ANKIB1: variants seen among roughly 807,000 people sequenced by gnomAD.
ANKIB1 encodes ankyrin repeat and IBR domain containing 1, also known as ankyrin repeat and IBR domain-containing protein 1.
In ANKIB1, 43 loss-of-function variants were observed where a neutral mutation model predicts 122.1. The ratio of observed to expected loss-of-function variants is 0.35; its 90% CI spans 0.28 to 0.45. ANKIB1 has a LOEUF of 0.45. Ranked by LOEUF, ANKIB1 falls within the 20% of genes least tolerant of loss-of-function variation. The probability of loss-of-function intolerance (pLI) is 1.00; values close to 1 mark genes in which losing one functional copy is unlikely to be tolerated. For synonymous variants in ANKIB1, 390 were observed against 442.0 expected (o/e 0.88, Z 1.48); for missense variants, 992 against 1,329.5 (o/e 0.75, Z 3.95).
At position 92,397,845 on chromosome 7, in the gene ANKIB1, C is replaced by G; in HGVS notation, c.2518C>G (p.Gln840Glu). ...CACCCCTGCCAGTCGCTCTGAAAAC[C>G]AGGACTCTCTTCAGGTAGCCTTTCT... ...DYTPASRSEN[Q>E]DSLQALSSLD... Residue 840 changes from glutamine to glutamate, a missense_variant, in exon 19 of 20, where the codon CAG becomes GAG. Coordinates refer to ENST00000265742, the MANE Select transcript of ANKIB1 (RefSeq NM_019004.2). 6.2e-7 allele frequency: 1 copy of G among 1,608,088 alleles called. No homozygotes were observed. The highest frequency in any genetic ancestry group is 8.5e-7 in the Non-Finnish European group (1 of 1,178,234).
chr7:92,375,281 A>G (rs932208961), intron 11 of ANKIB1, among the ~76,000 whole-genome samples: 4 of 152,232 alleles, frequency 2.6e-5, no homozygotes, highest in Non-Finnish European at 1.5e-5. Context: ...TAAGACAACA[A>G]TGAAATTTGC....
At chr7:92,348,955 C>T (rs1803600961) in intron 7 of ANKIB1, among the ~76,000 whole-genome samples, 1 of 152,064 alleles carries the variant, frequency 6.6e-6, no homozygotes, top group African/African-American at 2.4e-5. Context: ...CAGCCAGATG[C>T]TACAGATTGA....
chr7:92,263,551 AT>A (rs1418468410), intron 1 of ANKIB1, among the ~76,000 whole-genome samples: 1 of 152,162 alleles, frequency 6.6e-6, no homozygotes, highest in Admixed American at 6.5e-5. Flanking sequence ...TTCTTCCCAG[AT>A]TTGGTAATAT....
At chr7:92,354,615 A>G (rs559034847) in intron 9 of ANKIB1, among the ~76,000 whole-genome samples, 1 of 152,182 alleles carries the variant, frequency 6.6e-6, no homozygotes, top group Non-Finnish European at 1.5e-5. Context: ...TTTGGTATTT[A>G]TTAAGTTATA....
At chr7:92,334,661 A>G (rs1385709405) in intron 5 of ANKIB1, among the ~76,000 whole-genome samples, 1 of 152,030 alleles carries the variant, frequency 6.6e-6, no homozygotes, top group Non-Finnish European at 1.5e-5. Context: ...ATAAATATCT[A>G]TGTGAATGAA....
intron 5 of ANKIB1, among the ~76,000 whole-genome samples, chr7:92,330,835 C>G (rs1171368321): frequency 1.3e-5 from 2 of 152,066 alleles, no homozygotes; most frequent in Non-Finnish European, 2.9e-5. Context: ...GAGCGAGACT[C>G]TGTCTCAAAA....
intron 1 of ANKIB1, among the ~76,000 whole-genome samples, chr7:92,250,120 G>T (rs751128513): frequency 2.0e-5 from 3 of 152,178 alleles, no homozygotes; most frequent in Admixed American, 1.3e-4. Flanking sequence ...TTGGCTGGGT[G>T]CAGTGGCTCA....
intron 4 of ANKIB1, among the ~76,000 whole-genome samples, chr7:92,320,649 A>C (rs1422517495): frequency 6.6e-6 from 1 of 152,028 alleles, no homozygotes; most frequent in African/African-American, 2.4e-5. Flanking sequence ...ATACAACCTA[A>C]ATTCATTTGT....
chr7:92,276,036 A>G (rs556670907), intron 1 of ANKIB1, among the ~76,000 whole-genome samples: 1 of 152,326 alleles, frequency 6.6e-6, no homozygotes, highest in South Asian at 2.1e-4. Flanking sequence ...ATATAATAAA[A>G]AAGTTTTGCA....
intron 10 of ANKIB1, among the ~76,000 whole-genome samples, chr7:92,369,767 T>C (rs1804191003): frequency 6.6e-6 from 1 of 152,138 alleles, no homozygotes; most frequent in Non-Finnish European, 1.5e-5. Context: ...GTAAAGAAAA[T>C]GTAGGCCTTC....
At chr7:92,330,130 G>C (rs1306950005) in intron 5 of ANKIB1, among the ~76,000 whole-genome samples, 1 of 152,138 alleles carries the variant, frequency 6.6e-6, no homozygotes, top group Admixed American at 6.5e-5. Flanking sequence ...AACCTTTCCT[G>C]AGTGTGTCTT....
intron 1 of ANKIB1, among the ~76,000 whole-genome samples, chr7:92,251,881 G>T (rs1001254928): frequency 6.6e-6 from 1 of 152,100 alleles, no homozygotes; most frequent in Non-Finnish European, 1.5e-5. Flanking sequence ...ATCTTCTGGC[G>T]CAGGATCCTA....
chr7:92,269,723 TC>T (rs1322127443), intron 1 of ANKIB1, among the ~76,000 whole-genome samples: 1 of 152,164 alleles, frequency 6.6e-6, no homozygotes, highest in East Asian at 1.9e-4. Flanking sequence ...TGTTGTATCT[TC>T]TTTCTTCCCT....
At chr7:92,351,584 T>C (rs74298195) in intron 8 of ANKIB1, among the ~76,000 whole-genome samples, 14,521 of 152,218 alleles carry the variant, frequency 0.095, 905 homozygotes, top group East Asian at 0.36. Flanking sequence ...CTTCATTCTT[T>C]TTCAGAAGTT....
At chr7:92,397,185 A>G (rs886894711) in intron 18 of ANKIB1, among the ~76,000 whole-genome samples, 5 of 152,160 alleles carry the variant, frequency 3.3e-5, no homozygotes, top group African/African-American at 7.2e-5. Context: ...TATAGACTGC[A>G]AGCAAAAGTG....
In ANKIB1 at chr7:92,292,000, C is replaced by T. The variant is rs763692836; in HGVS notation, c.-90-2889C>T. The stretch of plus-strand genomic sequence containing the variant: ...GAAGCCCAAAATAAGGAATTCTTTT[C>T]GCCTGTTTGGTACTCCAGTACTTGC... On this transcript the variant is annotated intron_variant, in intron 1 of 19. Transcript: ENST00000265742. Among the ~76,000 whole-genome samples the T allele has an allele frequency of 2.2e-4, 34 of 152,304 alleles. 1 individual carries two copies. Among genetic ancestry groups the T allele is most frequent in the Non-Finnish European group, 4.4e-4 (30 of 68,036 alleles).
At chr7:92,253,597 T>TA in intron 1 of ANKIB1, among the ~76,000 whole-genome samples, 1 of 152,194 alleles carries the variant, frequency 6.6e-6, no homozygotes, top group Non-Finnish European at 1.5e-5. Context: ...TTTACAAACA[T>TA]ACATATATGT....
intron 1 of ANKIB1, among the ~76,000 whole-genome samples, chr7:92,261,909 C>T (rs1267594255): frequency 3.9e-5 from 6 of 152,182 alleles, no homozygotes; most frequent in Admixed American, 6.5e-5. Flanking sequence ...TAGCACTTAA[C>T]GTTGATCCTG....
rs1803650848 is a variant in ANKIB1 at position 92,350,940 on chromosome 7, AT to A, written c.1086-6del. ...TTGCTCGTTTGATGTGCATTGATCC[AT>A]TTTAATAGGTTTTTGAATCTGAAAA... On this transcript the variant is annotated splice_polypyrimidine_tract_variant and intron_variant, in intron 7 of 19. Transcript: ENST00000265742. 31 of 1,598,012 alleles carry A rather than the reference AT, an allele frequency of 1.9e-5. No homozygotes were observed. Among genetic ancestry groups the A allele is most frequent in the Non-Finnish European group, 2.6e-5 (31 of 1,173,592 alleles).
Sources: allele counts gnomAD v4.1 joint callset (sites outside exome capture counted in the v4.1 genomes callset), GRCh38; gene constraint gnomAD v4.1.1; transcripts MANE v1.5; gene names NCBI Gene and HGNC (gene_info 2026-07-23, HGNC 2026-07-21).